XRCC4: variants seen among roughly 807,000 people sequenced by gnomAD.
XRCC4 encodes DNA repair protein XRCC4.
In XRCC4, 28 loss-of-function variants were observed where a neutral mutation model predicts 39.1. That is an observed-to-expected ratio of 0.72 (90% CI 0.53 to 0.98). The LOEUF is 0.98. Ranked by LOEUF, XRCC4 falls within the 50% of genes least tolerant of loss-of-function variation. The pLI is 0.00. For synonymous variants in XRCC4, 123 were observed against 126.4 expected (o/e 0.97, Z 0.18); for missense variants, 350 against 376.4 (o/e 0.93, Z 0.58).
At chr5:83,172,285 C>T (rs1749764170) in intron 3 of XRCC4, among the ~76,000 whole-genome samples, 1 of 152,122 alleles carries the variant, frequency 6.6e-6, no homozygotes, top group Non-Finnish European at 1.5e-5. Flanking sequence ...TTTCTGTTGA[C>T]ATCCATCGAT....
intron 1 of XRCC4, among the ~76,000 whole-genome samples, chr5:83,086,395 A>G (rs78914376): frequency 0.024 from 3,694 of 152,318 alleles, 133 homozygotes; most frequent in African/African-American, 0.084. Context: ...TTTGTGTGTT[A>G]TATGCATTAT....
intron 3 of XRCC4, among the ~76,000 whole-genome samples, chr5:83,176,444 A>C (rs1749960950): frequency 6.6e-6 from 1 of 152,134 alleles, no homozygotes. Flanking sequence ...AAGATTGAGC[A>C]AGGTGCAGGG....
At chr5:83,188,889 A>G (rs1750571625) in intron 3 of XRCC4, among the ~76,000 whole-genome samples, 8 of 152,192 alleles carry the variant, frequency 5.3e-5, no homozygotes, top group Admixed American at 5.2e-4. Context: ...TACTGAAAAG[A>G]TATGCCTAGA....
intron 7 of XRCC4, among the ~76,000 whole-genome samples, chr5:83,345,818 T>C (rs1488187496): frequency 6.6e-6 from 1 of 152,206 alleles, no homozygotes; most frequent in Non-Finnish European, 1.5e-5. Context: ...AAAAGAGAAG[T>C]CAATAATTTA....
chr5:83,354,656 C>T (rs1359704553), downstream of XRCC4, among the ~76,000 whole-genome samples: 1 of 152,092 alleles, frequency 6.6e-6, no homozygotes, highest in Non-Finnish European at 1.5e-5. Flanking sequence ...ATATCCAAAG[C>T]AGAAATTTGA....
chr5:83,199,375 G>A (rs985446875), intron 4 of XRCC4, among the ~76,000 whole-genome samples: 6 of 151,924 alleles, frequency 3.9e-5, no homozygotes, highest in East Asian at 1.9e-4. Context: ...ATCTTTTTCC[G>A]TACTTAAAGC....
the XRCC4 span, among the ~76,000 whole-genome samples, chr5:83,358,809 T>C: frequency 6.6e-6 from 1 of 152,184 alleles, no homozygotes; most frequent in Non-Finnish European, 1.5e-5. Flanking sequence ...AATCTGTCTT[T>C]CCTTGCATTC....
chr5:83,164,434 A>T (rs928861491), intron 3 of XRCC4, among the ~76,000 whole-genome samples: 1 of 152,160 alleles, frequency 6.6e-6, no homozygotes, highest in Non-Finnish European at 1.5e-5. Flanking sequence ...ACAGTTTGGG[A>T]CCTAATTTAA....
chr5:83,287,753 T>G (rs1216516951), intron 7 of XRCC4, among the ~76,000 whole-genome samples: 2 of 151,852 alleles, frequency 1.3e-5, no homozygotes, highest in Non-Finnish European at 2.9e-5. Flanking sequence ...GTTTTTTGGT[T>G]TGTTGATTTT....
intron 1 of XRCC4, among the ~76,000 whole-genome samples, chr5:83,103,208 C>A (rs937847013): frequency 6.6e-6 from 1 of 151,406 alleles, no homozygotes; most frequent in Non-Finnish European, 1.5e-5. Context: ...TTGGGAAGGG[C>A]AAGATTAGGT....
chr5:83,090,872 T>G (rs578206800), intron 1 of XRCC4, among the ~76,000 whole-genome samples: 2 of 152,320 alleles, frequency 1.3e-5, no homozygotes, highest in African/African-American at 4.8e-5. Context: ...ATTTTTTGTT[T>G]GTTAAATTTT....
At chr5:83,304,279 A>G (rs1227454153) in intron 7 of XRCC4, among the ~76,000 whole-genome samples, 4 of 148,772 alleles carry the variant, frequency 2.7e-5, no homozygotes, top group Admixed American at 6.8e-5. Context: ...TCCCAGGTTC[A>G]TGTGATTCTC....
At chr5:83,267,641 C>A (rs1409632707) in intron 7 of XRCC4, among the ~76,000 whole-genome samples, 1 of 152,134 alleles carries the variant, frequency 6.6e-6, no homozygotes, top group African/African-American at 2.4e-5. Flanking sequence ...CCTGGACAGT[C>A]TCAGGGAGCA....
At chr5:83,327,975 A>G (rs1212279893) in intron 7 of XRCC4, among the ~76,000 whole-genome samples, 1 of 152,124 alleles carries the variant, frequency 6.6e-6, no homozygotes, top group Non-Finnish European at 1.5e-5. Context: ...AAACTTTTCA[A>G]TATTTCTATT....
chr5:83,333,961 G>T (rs560256926), intron 7 of XRCC4, among the ~76,000 whole-genome samples: 73 of 152,034 alleles, frequency 4.8e-4, no homozygotes, highest in Non-Finnish European at 3.4e-4. Flanking sequence ...GTAGAGACGG[G>T]GTTTCACCAT....
intron 7 of XRCC4, among the ~76,000 whole-genome samples, chr5:83,263,978 G>T (rs530119075): frequency 4.6e-5 from 7 of 152,156 alleles, no homozygotes; most frequent in African/African-American, 1.7e-4. Context: ...TATGGTTTTA[G>T]GTCTAACGTT....
intron 3 of XRCC4, among the ~76,000 whole-genome samples, chr5:83,124,872 A>G (rs547000261): frequency 4.6e-5 from 7 of 152,308 alleles, no homozygotes; most frequent in African/African-American, 1.7e-4. Flanking sequence ...AGGATTGTGA[A>G]TGCAGGGCTG....
At chr5:83,307,049 CT>C (rs1321015657) in intron 7 of XRCC4, among the ~76,000 whole-genome samples, 6 of 152,284 alleles carry the variant, frequency 3.9e-5, no homozygotes, top group Admixed American at 2.0e-4. Context: ...CACACTTCAC[CT>C]TTCCCCTGTT....
At chr5:83,204,739 A>T in intron 5 of XRCC4, 76 bp from the exon 6 acceptor site, 1 of 996,968 alleles carries the variant, frequency 1.0e-6, no homozygotes, top group Non-Finnish European at 1.5e-6. Flanking sequence ...TATTTTCTAT[A>T]ATTGCTTACT....
Sources: gnomAD v4.1 joint callset for allele counts (sites outside exome capture counted in the v4.1 genomes callset) on GRCh38, gnomAD v4.1.1 for gene constraint, MANE v1.5 for transcripts, NCBI Gene and HGNC (gene_info 2026-07-23, HGNC 2026-07-21) for gene names.